COL25A1: variants seen among roughly 807,000 people sequenced by gnomAD.
The protein encoded by COL25A1 is collagen type XXV alpha 1 chain, also known as collagen alpha-1(XXV) chain.
In COL25A1, 103 loss-of-function variants were observed where a neutral mutation model predicts 128.4. The ratio of observed to expected loss-of-function variants is 0.80; its 90% CI spans 0.68 to 0.94. The LOEUF is 0.94. COL25A1 is among the 40% of genes least tolerant of loss of function. The pLI is 0.00. For missense variants in COL25A1, 745 were observed against 840.0 expected, an observed-to-expected ratio of 0.89 and a Z score of 1.40; for synonymous variants, 279 against 277.2, an observed-to-expected ratio of 1.01 and a Z score of -0.06.
At chr4:109,159,026 C>T (rs1232757991) in intron 3 of COL25A1, among the ~76,000 whole-genome samples, 1 of 151,822 alleles carries the variant, frequency 6.6e-6, no homozygotes, top group Non-Finnish European at 1.5e-5. Flanking sequence ...GACTAAAAGC[C>T]ACTCTGTAGT....
intron 8 of COL25A1, among the ~76,000 whole-genome samples, chr4:108,952,799 C>T (rs1749601165): frequency 1.4e-5 from 2 of 142,188 alleles, no homozygotes; most frequent in South Asian, 4.6e-4. Context: ...GGAAAACAGG[C>T]ATTTCTTCAG....
chr4:109,024,537 A>C (rs1446010031), intron 5 of COL25A1, among the ~76,000 whole-genome samples: 1 of 152,052 alleles, frequency 6.6e-6, no homozygotes, highest in Non-Finnish European at 1.5e-5. Context: ...GAAGAAAGAA[A>C]ACATGTACAA....
chr4:108,840,073 C>G (rs1234509684), intron 31 of COL25A1, among the ~76,000 whole-genome samples: 2 of 151,670 alleles, frequency 1.3e-5, no homozygotes, highest in Non-Finnish European at 2.9e-5. Flanking sequence ...GAAACCTTGT[C>G]TCTACTAAAA....
At chr4:108,916,458 G>A (rs1473740117) in intron 13 of COL25A1, among the ~76,000 whole-genome samples, 2 of 152,154 alleles carry the variant, frequency 1.3e-5, no homozygotes, top group Non-Finnish European at 2.9e-5. Context: ...GTATGTGACA[G>A]TTTTAAAGTT....
At chr4:109,010,250 G>T in intron 6 of COL25A1, 108 bp downstream of exon 6, 2 of 876,734 alleles carry the variant, frequency 2.3e-6, no homozygotes, top group South Asian at 1.6e-5. Flanking sequence ...GTGGTGTTGT[G>T]ATTATCAGTT....
chr4:109,235,982 G>A (rs745724243), intron 3 of COL25A1, among the ~76,000 whole-genome samples: 3 of 151,872 alleles, frequency 2.0e-5, no homozygotes, highest in South Asian at 2.1e-4. Flanking sequence ...TAGTAATTAG[G>A]CACTGGACTG....
chr4:108,850,270 G>T (rs988592878), intron 26 of COL25A1, among the ~76,000 whole-genome samples: 2 of 152,102 alleles, frequency 1.3e-5, no homozygotes, highest in South Asian at 4.2e-4. Flanking sequence ...AAGGAGAAAT[G>T]CTAATTGAGT....
intron 8 of COL25A1, among the ~76,000 whole-genome samples, chr4:108,961,774 C>G (rs1750739526): frequency 1.3e-5 from 2 of 152,026 alleles, no homozygotes; most frequent in Non-Finnish European, 2.9e-5. Context: ...TCAATGATGA[C>G]AAGGTCAAGA....
chr4:109,086,726 C>T (rs1005662393), intron 3 of COL25A1, among the ~76,000 whole-genome samples: 2 of 152,272 alleles, frequency 1.3e-5, no homozygotes, highest in African/African-American at 4.8e-5. Context: ...CCATCACCCA[C>T]GCCTGGCTAT....
intron 8 of COL25A1, among the ~76,000 whole-genome samples, chr4:108,941,662 A>G: frequency 6.6e-6 from 1 of 152,192 alleles, no homozygotes; most frequent in Non-Finnish European, 1.5e-5. Flanking sequence ...AGTAGTAATG[A>G]ATATTTTTTG....
chr4:108,862,712 A>G (rs938944339), intron 21 of COL25A1, among the ~76,000 whole-genome samples, 167 bp from the exon 22 acceptor site: 8 of 152,230 alleles, frequency 5.3e-5, no homozygotes, highest in African/African-American at 1.2e-4. Context: ...AATACTAAAC[A>G]TAAGTATCAT....
At chr4:108,824,381 A>G (rs887707375) in intron 34 of COL25A1, among the ~76,000 whole-genome samples, 154 bp from the exon 35 acceptor site, 10 of 152,252 alleles carry the variant, frequency 6.6e-5, no homozygotes, top group African/African-American at 1.9e-4. Flanking sequence ...CAGTGCTTAG[A>G]AACATAAGTT....
intron 3 of COL25A1, among the ~76,000 whole-genome samples, chr4:109,186,373 T>C (rs1775131098): frequency 6.6e-6 from 1 of 152,248 alleles, no homozygotes; most frequent in South Asian, 2.1e-4. Flanking sequence ...TTGTATTCTC[T>C]GGATTTTTAA....
chr4:109,276,361 G>A (rs879527477), intron 3 of COL25A1, among the ~76,000 whole-genome samples: 4 of 149,548 alleles, frequency 2.7e-5, no homozygotes, highest in Admixed American at 6.7e-5. Flanking sequence ...GCAGTGAGCC[G>A]AGATCGCGCC....
At chr4:109,084,539 C>T (rs1445414518) in intron 3 of COL25A1, among the ~76,000 whole-genome samples, 3 of 152,196 alleles carry the variant, frequency 2.0e-5, no homozygotes, top group Non-Finnish European at 4.4e-5. Context: ...TTTCACATCA[C>T]ATACTTAATC....
At chr4:109,183,275 A>G (rs990737313) in intron 3 of COL25A1, among the ~76,000 whole-genome samples, 1 of 151,998 alleles carries the variant, frequency 6.6e-6, no homozygotes, top group African/African-American at 2.4e-5. Context: ...TCCCATACCC[A>G]CCTGCCAAAA....
At chr4:109,024,558 T>C (rs1167719946) in intron 5 of COL25A1, among the ~76,000 whole-genome samples, 1 of 151,966 alleles carries the variant, frequency 6.6e-6, no homozygotes, top group Non-Finnish European at 1.5e-5. Flanking sequence ...AAATAGTGGT[T>C]CCCTACGGAT....
chr4:108,909,263 C>A, intron 13 of COL25A1, among the ~76,000 whole-genome samples: 1 of 152,168 alleles, frequency 6.6e-6, no homozygotes, highest in African/African-American at 2.4e-5. Context: ...TCATAATTTC[C>A]TTAGTTATAA....
At chr4:109,278,669 A>G (rs1013464992) in intron 3 of COL25A1, among the ~76,000 whole-genome samples, 2 of 152,186 alleles carry the variant, frequency 1.3e-5, no homozygotes, top group African/African-American at 2.4e-5. Flanking sequence ...TATTGTCCCC[A>G]TGTAACACCT....
Sources: gnomAD v4.1 joint callset for allele counts (sites outside exome capture counted in the v4.1 genomes callset) on GRCh38, gnomAD v4.1.1 for gene constraint, MANE v1.5 for transcripts, NCBI Gene and HGNC (gene_info 2026-07-23, HGNC 2026-07-21) for gene names.